The following SNX29 variants were observed in gnomAD, a reference collection of about 807,000 sequenced individuals.
SNX29 encodes sorting nexin 29, also known as sorting nexin-29.
A neutral mutation model predicts 102.1 loss-of-function variants in SNX29; 78 were observed. The ratio of observed to expected loss-of-function variants is 0.76; its 90% confidence interval spans 0.64 to 0.92. SNX29 has a LOEUF of 0.92. Ranked by LOEUF, SNX29 falls within the 40% of genes least tolerant of loss-of-function variation. The pLI is 0.00. For missense variants in SNX29, 1,280 were observed against 1,061.7 expected (o/e 1.21, Z -2.86); for synonymous variants, 580 against 414.5 (o/e 1.40, Z -4.85).
chr16:12,306,558 C>T (rs976882362), intron 15 of SNX29, among the ~76,000 whole-genome samples: 17 of 152,162 alleles, frequency 1.1e-4, no homozygotes, highest in African/African-American at 1.7e-4. Flanking sequence ...CAGGGCTGAG[C>T]GTGTAAATGC....
At chr16:12,480,560 G>A (rs957580955) in intron 19 of SNX29, among the ~76,000 whole-genome samples, 5 of 152,148 alleles carry the variant, frequency 3.3e-5, no homozygotes, top group Non-Finnish European at 7.3e-5. Context: ...TTGGTCATGT[G>A]AGGTTCTGGG....
intron 16 of SNX29, among the ~76,000 whole-genome samples, chr16:12,380,163 AGG>A (rs2083020203): frequency 1.3e-5 from 2 of 151,980 alleles, no homozygotes; most frequent in Non-Finnish European, 2.9e-5. Flanking sequence ...AGCTGACCTA[AGG>A]GCTGATCAGA....
intron 13 of SNX29, chr16:12,135,611 T>C: frequency 7.4e-7 from 1 of 1,345,096 alleles, no homozygotes; most frequent in Non-Finnish European, 9.8e-7. Flanking sequence ...GGTGGAGAAA[T>C]GGAGGGAGAG....
chr16:12,079,714 C>G (rs2051768343), intron 11 of SNX29, among the ~76,000 whole-genome samples: 1 of 152,206 alleles, frequency 6.6e-6, no homozygotes, highest in Admixed American at 6.5e-5. Flanking sequence ...AAATTTCTCT[C>G]TATCCAGAGG....
chr16:12,548,450 C>T (rs570784016), intron 20 of SNX29, among the ~76,000 whole-genome samples: 1 of 152,252 alleles, frequency 6.6e-6, no homozygotes, highest in Non-Finnish European at 1.5e-5. Flanking sequence ...ACCATGGCAT[C>T]TGTGTCTTTT....
chr16:11,987,808 T>C (rs539104486), intron 1 of SNX29, among the ~76,000 whole-genome samples: 1 of 152,388 alleles, frequency 6.6e-6, no homozygotes, highest in African/African-American at 2.4e-5. Context: ...TTGTTATTTG[T>C]ATCTTTTCTC....
intron 19 of SNX29, among the ~76,000 whole-genome samples, chr16:12,496,652 A>G (rs572745806): frequency 2.6e-5 from 4 of 151,946 alleles, no homozygotes; most frequent in East Asian, 1.9e-4. Flanking sequence ...CTAGGATTAC[A>G]GGCACCTGCC....
intron 1 of SNX29, among the ~76,000 whole-genome samples, chr16:11,997,053 G>A (rs2056100141): frequency 1.3e-5 from 2 of 152,198 alleles, no homozygotes; most frequent in South Asian, 4.1e-4. Context: ...GAGGTCTTGA[G>A]TCAGGATCAC....
At chr16:12,094,040 G>A (rs568750536) in intron 11 of SNX29, 1 of 152,298 alleles carries the variant, frequency 6.6e-6, no homozygotes, top group East Asian at 1.9e-4. Flanking sequence ...TACACTGGCT[G>A]TGTTCTTACG....
chr16:12,320,607 C>T (rs2080900223), intron 15 of SNX29, among the ~76,000 whole-genome samples: 1 of 152,276 alleles, frequency 6.6e-6, no homozygotes, highest in Admixed American at 6.5e-5. Flanking sequence ...TCACTCATCC[C>T]TTCTAGAATG....
intron 20 of SNX29, among the ~76,000 whole-genome samples, chr16:12,537,606 C>A (rs759256939): frequency 6.6e-6 from 1 of 152,202 alleles, no homozygotes; most frequent in Admixed American, 6.5e-5. Context: ...ACTCTCACTT[C>A]AGTCCCAAAA....
chr16:12,227,899 TAAAAAAAAAAAA>T (rs59381762), intron 14 of SNX29, among the ~76,000 whole-genome samples: 4 of 71,558 alleles, frequency 5.6e-5, no homozygotes, highest in African/African-American at 1.2e-4. Flanking sequence ...GACTCTGTCT[TAAAAAAAAAAAA>T]AAAAAAAAAA....
chr16:12,514,049 C>T (rs1286190912), intron 19 of SNX29, among the ~76,000 whole-genome samples: 1 of 152,212 alleles, frequency 6.6e-6, no homozygotes, highest in Non-Finnish European at 1.5e-5. Context: ...CCGTGGATTG[C>T]GGCTTGCTCC....
chr16:12,305,722 C>T (rs1202407000), intron 15 of SNX29, among the ~76,000 whole-genome samples: 1 of 152,202 alleles, frequency 6.6e-6, no homozygotes, highest in Non-Finnish European at 1.5e-5. Context: ...TATCCAGACT[C>T]CGAAAACTTC....
intron 19 of SNX29, among the ~76,000 whole-genome samples, chr16:12,485,822 T>C (rs952061896): frequency 3.3e-5 from 5 of 152,126 alleles, no homozygotes; most frequent in African/African-American, 9.7e-5. Context: ...AATCTGCAGA[T>C]AGAGGAGAGA....
At chr16:12,178,786 T>C (rs993077184) in intron 13 of SNX29, among the ~76,000 whole-genome samples, 1 of 152,210 alleles carries the variant, frequency 6.6e-6, no homozygotes, top group African/African-American at 2.4e-5. Flanking sequence ...CTTTGTACAG[T>C]TGTGCATGTG....
intron 1 of SNX29, among the ~76,000 whole-genome samples, chr16:11,982,355 G>A (rs1334697112): frequency 6.6e-6 from 1 of 151,498 alleles, no homozygotes; most frequent in South Asian, 2.1e-4. Context: ...GAGCCAGAAA[G>A]TCATTATACT....
At chr16:12,542,674 G>T (rs553947578) in intron 20 of SNX29, among the ~76,000 whole-genome samples, 3 of 152,210 alleles carry the variant, frequency 2.0e-5, no homozygotes, top group Admixed American at 6.5e-5. Context: ...AGCGTGTTGG[G>T]AACATGGACT....
At chr16:12,383,626 G>A (rs1381593301) in intron 16 of SNX29, among the ~76,000 whole-genome samples, 2 of 151,610 alleles carry the variant, frequency 1.3e-5, no homozygotes, top group African/African-American at 4.9e-5. Flanking sequence ...TAGTAAAGAC[G>A]GGTTTCACCA....
Sources: allele counts gnomAD v4.1 joint callset (sites outside exome capture counted in the v4.1 genomes callset), GRCh38; gene constraint gnomAD v4.1.1; transcripts MANE v1.5; gene names NCBI Gene and HGNC (gene_info 2026-07-23, HGNC 2026-07-21).